Variants in SARNP observed in about 807,000 individuals in gnomAD.
SARNP encodes the protein SAP domain containing ribonucleoprotein, also known as SAP domain-containing ribonucleoprotein.
SARNP carries 5 observed loss-of-function variants against 38.1 expected under a neutral mutation model. The ratio of observed to expected loss-of-function variants is 0.13; its 90% CI spans 0.07 to 0.28. The LOEUF (loss-of-function observed/expected upper bound fraction) is 0.28, where lower values mean the gene tolerates loss of function less well. Ranked by LOEUF, SARNP falls within the 10% of genes least tolerant of loss-of-function variation. SARNP has a pLI of 1.00. For synonymous variants in SARNP, 84 were observed against 80.6 expected, an observed-to-expected ratio of 1.04 and a Z score of -0.23; for missense variants, 180 against 243.9, an observed-to-expected ratio of 0.74 and a Z score of 1.75.
At chr12:55,803,173 T>A (rs1880035124) in intron 2 of SARNP, among the ~76,000 whole-genome samples, 1 of 152,068 alleles carries the variant, frequency 6.6e-6, no homozygotes, top group Non-Finnish European at 1.5e-5. Flanking sequence ...AGAGGACTTG[T>A]ACAACCTAAG....
At chr12:55,794,772 C>T (rs762570692) in intron 6 of SARNP, 35 bp downstream of exon 6, 11 of 1,251,864 alleles carry the variant, frequency 8.8e-6, no homozygotes, top group Admixed American at 1.8e-5. Flanking sequence ...TTTACAACAC[C>T]CCTATCAGAG....
In SARNP at chr12:55,790,726, G is replaced by A. The variant is rs1326028046; in HGVS notation, c.407-134C>T. On this transcript the variant is annotated intron_variant, in intron 7 of 10. Transcript: ENST00000336133. ...AGAAAAGGCAGAAATTGCATGTAGC[G>A]ATCATGTCTGCATTCACTGCTAGCA... 9.3e-6 allele frequency: 8 copies of A among 861,290 alleles called. No homozygotes were observed. In the East Asian group the frequency reaches 1.3e-4, roughly 14 times the overall value. The allele number at this position is 861,290 out of a possible 1,614,324, so 53.4% of individuals were successfully genotyped here. A position where few individuals can be genotyped will look rare whatever the true frequency, so the allele number is the denominator to read the frequency against.
intron 1 of SARNP, among the ~76,000 whole-genome samples, chr12:55,813,448 T>C (rs913450846): frequency 4.6e-5 from 7 of 151,994 alleles, no homozygotes; most frequent in African/African-American, 1.5e-4. Context: ...AAAACTCCAA[T>C]TGCAGCATAT....
rs529199459 is a variant in SARNP, at chr12:55,781,525, C to T, written c.501+7550G>A. Among the ~76,000 whole-genome samples the T allele has an allele frequency of 9.0e-5, 13 of 144,958 alleles. No homozygotes were observed. In the East Asian group the frequency reaches 2.6e-3, roughly 29 times the overall value. On this transcript the variant is annotated intron_variant, in intron 9 of 10. Transcript: ENST00000336133. ...CTTCAGCCTGGGCAAAAGAGCGAAACTCCGTCTCAAAAAAAAAAAAAAACA... is the reference window on the plus strand; with the variant it reads ...CTTCAGCCTGGGCAAAAGAGCGAAATTCCGTCTCAAAAAAAAAAAAAAACA...
At chr12:55,817,149 C>T (rs1387198623) in intron 1 of SARNP, among the ~76,000 whole-genome samples, 2 of 152,156 alleles carry the variant, frequency 1.3e-5, no homozygotes, top group African/African-American at 4.8e-5. Context: ...TTTCAAAATT[C>T]GGCTTGGGGC....
intron 9 of SARNP, among the ~76,000 whole-genome samples, chr12:55,768,402 T>A (rs1043410601): frequency 6.6e-6 from 1 of 151,496 alleles, no homozygotes; most frequent in African/African-American, 2.4e-5. Flanking sequence ...AGTGCTGGGA[T>A]TACAGGCATG....
chr12:55,777,988 G>C (rs909593894), intron 9 of SARNP, among the ~76,000 whole-genome samples: 1 of 152,118 alleles, frequency 6.6e-6, no homozygotes, highest in Non-Finnish European at 1.5e-5. Flanking sequence ...CATAATAAAA[G>C]TAAGAAGTGT....
intron 1 of SARNP, among the ~76,000 whole-genome samples, chr12:55,816,597 A>T (rs964461899): frequency 6.6e-6 from 1 of 152,070 alleles, no homozygotes. Flanking sequence ...ACAGCAACAA[A>T]AACAAAAAAA....
chr12:55,807,100 A>G (rs1361064307), intron 1 of SARNP, among the ~76,000 whole-genome samples: 1 of 152,160 alleles, frequency 6.6e-6, no homozygotes, highest in African/African-American at 2.4e-5. Flanking sequence ...ATGTACTTTT[A>G]AATAGGTAGG....
chr12:55,766,616 C>CGGGGGGGGGG (rs58583137), intron 9 of SARNP, among the ~76,000 whole-genome samples: 9 of 38,104 alleles, frequency 2.4e-4, no homozygotes, highest in African/African-American at 8.8e-4. Context: ...GTTTTTTTGG[C>CGGGGGGGGGG]GGGGGGGGGG....
chr12:55,769,210 T>C (rs190816574), intron 9 of SARNP, among the ~76,000 whole-genome samples: 2 of 152,346 alleles, frequency 1.3e-5, no homozygotes, highest in Admixed American at 1.3e-4. Context: ...GGAATCTCTT[T>C]CACTGAATTA....
chr12:55,815,465 T>C (rs1328683621), intron 1 of SARNP, among the ~76,000 whole-genome samples: 1 of 151,774 alleles, frequency 6.6e-6, no homozygotes, highest in Non-Finnish European at 1.5e-5. Flanking sequence ...ATGAGTTCTT[T>C]TTTTCTTTTT....
intron 9 of SARNP, among the ~76,000 whole-genome samples, chr12:55,786,074 G>C (rs1266051969): frequency 1.3e-5 from 2 of 152,174 alleles, no homozygotes; most frequent in African/African-American, 4.8e-5. Context: ...TCAGCCTTCT[G>C]TGGACTAAAA....
At chr12:55,803,090 G>A (rs915605295) in intron 2 of SARNP, among the ~76,000 whole-genome samples, 1 of 152,014 alleles carries the variant, frequency 6.6e-6, no homozygotes, top group Non-Finnish European at 1.5e-5. Context: ...ATTAGAACGG[G>A]TGCCTAAATG....
chr12:55,759,721 G>GT (rs1176008571), intron 10 of SARNP, among the ~76,000 whole-genome samples: 2 of 145,224 alleles, frequency 1.4e-5, no homozygotes, highest in Admixed American at 6.8e-5. Context: ...GATTATAGGC[G>GT]TAAGCCACCA....
intron 10 of SARNP, chr12:55,760,330 A>G (rs1247645306): frequency 1.9e-6 from 1 of 534,298 alleles, no homozygotes; most frequent in East Asian, 2.9e-5. Flanking sequence ...ATGAGACCCC[A>G]TCTCTACTTA....
chr12:55,812,662 G>C (rs553766564), intron 1 of SARNP, among the ~76,000 whole-genome samples: 15 of 152,274 alleles, frequency 9.9e-5, no homozygotes, highest in African/African-American at 3.6e-4. Flanking sequence ...CCAGACTAAA[G>C]GTATCACTAC....
At chr12:55,759,419 CT>C (rs781001667) in intron 10 of SARNP, among the ~76,000 whole-genome samples, 3,041 of 140,800 alleles carry the variant, frequency 0.022, 26 homozygotes, top group Non-Finnish European at 0.027. Flanking sequence ...TTTTTCTTTT[CT>C]TTTTTTTTTT....
At chr12:55,777,980 T>A (rs990567200) in intron 9 of SARNP, among the ~76,000 whole-genome samples, 1 of 152,144 alleles carries the variant, frequency 6.6e-6, no homozygotes, top group East Asian at 1.9e-4. Flanking sequence ...ATTGGAACCA[T>A]AATAAAAGTA....
Sources: allele counts gnomAD v4.1 joint callset (sites outside exome capture counted in the v4.1 genomes callset), GRCh38; gene constraint gnomAD v4.1.1; transcripts MANE v1.5; gene names NCBI Gene and HGNC (gene_info 2026-07-23, HGNC 2026-07-21).